SUGCT: variants seen among roughly 807,000 people sequenced by gnomAD.
SUGCT encodes succinyl-CoA:glutarate-CoA transferase, also known as succinyl-CoA:glutarate CoA-transferase.
SUGCT carries 41 observed loss-of-function variants against 55.0 expected under a neutral mutation model. That is an observed-to-expected ratio of 0.74 (90% CI 0.58 to 0.97). SUGCT has a LOEUF of 0.97. Among genes scored for constraint, SUGCT ranks in the 50% least tolerant of loss-of-function variants. SUGCT has a pLI of 0.00. For missense variants in SUGCT, 568 were observed against 547.8 expected (o/e 1.04, Z -0.37); for synonymous variants, 187 against 200.4 (o/e 0.93, Z 0.56).
intron 12 of SUGCT, among the ~76,000 whole-genome samples, chr7:40,575,125 T>C (rs7804324): frequency 7.3e-6 from 1 of 136,960 alleles, no homozygotes; most frequent in African/African-American, 3.2e-5. Flanking sequence ...GTGGCGGGGG[T>C]GGGGGTGGAG....
At chr7:40,716,829 G>T (rs1786049144) in intron 12 of SUGCT, among the ~76,000 whole-genome samples, 1 of 151,932 alleles carries the variant, frequency 6.6e-6, no homozygotes, top group African/African-American at 2.4e-5. Context: ...TTCAGATATG[G>T]ATTGAATGAT....
chr7:40,275,020 C>T (rs1046813493), intron 8 of SUGCT, among the ~76,000 whole-genome samples: 7 of 152,076 alleles, frequency 4.6e-5, no homozygotes, highest in Non-Finnish European at 8.8e-5. Context: ...AGGCTGGTCT[C>T]GAACTCCCGA....
At chr7:40,532,983 G>A (rs1794177115) in intron 12 of SUGCT, among the ~76,000 whole-genome samples, 1 of 152,040 alleles carries the variant, frequency 6.6e-6, no homozygotes, top group Non-Finnish European at 1.5e-5. Flanking sequence ...ATCTGTGATA[G>A]GCTACTAAAT....
chr7:40,891,371 CA>C, the SUGCT span, among the ~76,000 whole-genome samples: 2 of 151,944 alleles, frequency 1.3e-5, no homozygotes, highest in Non-Finnish European at 2.9e-5. Flanking sequence ...ATTAAATTCC[CA>C]AAAGTCAGAG....
intron 1 of SUGCT, among the ~76,000 whole-genome samples, chr7:40,179,091 G>A (rs1312112566): frequency 6.6e-6 from 1 of 152,064 alleles, no homozygotes; most frequent in African/African-American, 2.4e-5. Context: ...TCTAAGTTTA[G>A]TAGGAAGCCA....
intron 9 of SUGCT, among the ~76,000 whole-genome samples, chr7:40,342,059 A>G (rs962081766): frequency 1.3e-5 from 2 of 152,246 alleles, no homozygotes; most frequent in African/African-American, 4.8e-5. Context: ...CAGAATGGCC[A>G]TGATGAAGTC....
rs577365626 is a variant in SUGCT, at chr7:40,227,865, T to C, written c.485-9770T>C. Among the ~76,000 whole-genome samples, 55 of 148,318 alleles carry C rather than the reference T, an allele frequency of 3.7e-4. 1 individual carries two copies. The South Asian group carries it at 7.1e-3, about 19-fold the overall frequency. On this transcript the variant is annotated intron_variant, in intron 6 of 13. Coordinates refer to ENST00000335693, the MANE Select transcript of SUGCT (RefSeq NM_001193313.2). ...TCCTTTATTTTATTTATTTGTTATTTATTTATTTATATATTTATTTATTTA... is the reference window on the plus strand; with the variant it reads ...TCCTTTATTTTATTTATTTGTTATTCATTTATTTATATATTTATTTATTTA...
chr7:41,014,411 T>C, the SUGCT span, among the ~76,000 whole-genome samples: 1 of 152,216 alleles, frequency 6.6e-6, no homozygotes. Flanking sequence ...TATTAATTTA[T>C]TCACCACCTC....
intron 8 of SUGCT, 107 bp from the exon 9 acceptor site, chr7:40,316,653 C>T (rs1795447491): frequency 8.9e-6 from 6 of 677,682 alleles, no homozygotes; most frequent in Non-Finnish European, 1.2e-5. Context: ...AGGTTTTTTT[C>T]TTCTACAATG....
chr7:40,737,022 G>A (rs1230979841), intron 12 of SUGCT, among the ~76,000 whole-genome samples: 1 of 152,112 alleles, frequency 6.6e-6, no homozygotes, highest in Admixed American at 6.6e-5. Context: ...TAAAAAAATA[G>A]AAAACCAAAA....
intron 12 of SUGCT, among the ~76,000 whole-genome samples, chr7:40,550,872 A>G (rs980122470): frequency 4.6e-5 from 7 of 152,126 alleles, no homozygotes; most frequent in African/African-American, 1.7e-4. Flanking sequence ...GGATCCATTT[A>G]CTATAGTACT....
chr7:41,005,827 A>G, the SUGCT span, among the ~76,000 whole-genome samples: 7 of 152,304 alleles, frequency 4.6e-5, no homozygotes, highest in African/African-American at 1.7e-4. Flanking sequence ...CTTCTAAGCC[A>G]GTTTCCCCAT....
the SUGCT span, among the ~76,000 whole-genome samples, chr7:40,945,578 G>A: frequency 3.3e-5 from 5 of 152,114 alleles, no homozygotes; most frequent in Non-Finnish European, 7.4e-5. Flanking sequence ...CAAGTACCAG[G>A]GCTGCTTGAC....
chr7:40,749,349 G>T, intron 12 of SUGCT, 85 bp from the exon 13 acceptor site: 1 of 1,026,942 alleles, frequency 9.7e-7, no homozygotes, highest in South Asian at 1.3e-5. Flanking sequence ...CTTTGATGTC[G>T]ACTGAATAGA....
chr7:40,157,984 A>G (rs940771445), intron 1 of SUGCT, among the ~76,000 whole-genome samples: 1 of 152,126 alleles, frequency 6.6e-6, no homozygotes, highest in Non-Finnish European at 1.5e-5. Flanking sequence ...TGAGGCAGGC[A>G]GATCACGAGG....
chr7:40,931,022 A>G, the SUGCT span, among the ~76,000 whole-genome samples: 1 of 152,294 alleles, frequency 6.6e-6, no homozygotes, highest in East Asian at 1.9e-4. Context: ...GAATGCTTCC[A>G]GTTTTTGGCC....
chr7:40,363,438 T>C (rs1798254084), intron 9 of SUGCT, among the ~76,000 whole-genome samples: 1 of 152,224 alleles, frequency 6.6e-6, no homozygotes, highest in African/African-American at 2.4e-5. Flanking sequence ...CTGCTTTCTC[T>C]TGTGGGCATT....
intron 9 of SUGCT, among the ~76,000 whole-genome samples, chr7:40,356,508 T>A (rs1422670888): frequency 6.6e-6 from 1 of 152,190 alleles, no homozygotes; most frequent in African/African-American, 2.4e-5. Flanking sequence ...TAAACTTCTA[T>A]TTCTGAGAAA....
chr7:40,488,481 C>T (rs1011774652), intron 11 of SUGCT, among the ~76,000 whole-genome samples: 2 of 152,070 alleles, frequency 1.3e-5, no homozygotes, highest in African/African-American at 2.4e-5. Flanking sequence ...TATCTTTTAA[C>T]CTTCATTCTA....
Sources: allele counts gnomAD v4.1 joint callset (sites outside exome capture counted in the v4.1 genomes callset), GRCh38; gene constraint gnomAD v4.1.1; transcripts MANE v1.5; gene names NCBI Gene and HGNC (gene_info 2026-07-23, HGNC 2026-07-21).